DOCK3: variants seen among roughly 807,000 people sequenced by gnomAD.
The protein encoded by DOCK3 is dedicator of cytokinesis 3.
In DOCK3, 60 loss-of-function variants were observed where a neutral mutation model predicts 265.6. The ratio of observed to expected loss-of-function variants is 0.23; its 90% CI spans 0.18 to 0.28. The LOEUF is 0.28. DOCK3 is among the 10% of genes least tolerant of loss of function. The pLI is 1.00. For missense variants in DOCK3, 1,981 were observed against 2,594.3 expected (o/e 0.76, Z 5.14); for synonymous variants, 881 against 938.0 (o/e 0.94, Z 1.11).
intron 29 of DOCK3, 23 bp downstream of exon 29, chr3:51,312,102 T>C: frequency 6.3e-7 from 1 of 1,576,488 alleles, no homozygotes; most frequent in Non-Finnish European, 8.6e-7. Flanking sequence ...GAAATATCCA[T>C]CACTATTATT....
intron 4 of DOCK3, among the ~76,000 whole-genome samples, chr3:50,923,894 CT>C (rs1301842781): frequency 6.6e-6 from 1 of 152,164 alleles, no homozygotes; most frequent in Non-Finnish European, 1.5e-5. Flanking sequence ...CCCTGGGGAT[CT>C]TTTGGGTTCC....
chr3:51,065,743 C>T (rs1183752025), intron 6 of DOCK3, among the ~76,000 whole-genome samples: 1 of 152,190 alleles, frequency 6.6e-6, no homozygotes, highest in African/African-American at 2.4e-5. Context: ...GAGCAGATTG[C>T]TCCCGCTTAC....
chr3:50,905,904 A>G (rs1335345788), intron 4 of DOCK3, among the ~76,000 whole-genome samples: 1 of 152,070 alleles, frequency 6.6e-6, no homozygotes, highest in Admixed American at 6.5e-5. Flanking sequence ...TGGGTTTGTC[A>G]TAAATAGCTC....
chr3:50,811,812 G>A (rs944088829), intron 2 of DOCK3, among the ~76,000 whole-genome samples: 1 of 152,100 alleles, frequency 6.6e-6, no homozygotes, highest in Admixed American at 6.5e-5. Flanking sequence ...ATCCAATCAA[G>A]AGAGAGAAAT....
chr3:50,692,430 A>ACTG (rs1232647912), intron 1 of DOCK3, among the ~76,000 whole-genome samples: 1 of 152,146 alleles, frequency 6.6e-6, no homozygotes, highest in Non-Finnish European at 1.5e-5. Context: ...CTTCACATGC[A>ACTG]CAGTTCACAA....
chr3:50,978,769 T>A (rs1261281863), intron 5 of DOCK3, among the ~76,000 whole-genome samples: 1 of 152,228 alleles, frequency 6.6e-6, no homozygotes, highest in Non-Finnish European at 1.5e-5. Flanking sequence ...CAGTTTGATC[T>A]GAAACTGCTG....
chr3:51,097,798 A>G (rs936653254), intron 9 of DOCK3, among the ~76,000 whole-genome samples: 8 of 152,178 alleles, frequency 5.3e-5, no homozygotes, highest in Admixed American at 3.9e-4. Flanking sequence ...GGGAAAGCGT[A>G]GTATCTGGGC....
At chr3:51,232,224 C>G (rs1698496425) in intron 19 of DOCK3, among the ~76,000 whole-genome samples, 2 of 152,066 alleles carry the variant, frequency 1.3e-5, no homozygotes. Context: ...TTTGGTGCAC[C>G]TATCACCCAA....
intron 12 of DOCK3, among the ~76,000 whole-genome samples, chr3:51,166,458 A>G (rs989521642): frequency 6.6e-6 from 1 of 152,198 alleles, no homozygotes; most frequent in Admixed American, 6.5e-5. Flanking sequence ...TCTTCAAGAT[A>G]GTGATTTCTT....
At chr3:51,256,905 G>C (rs922659144) in intron 22 of DOCK3, among the ~76,000 whole-genome samples, 2 of 152,184 alleles carry the variant, frequency 1.3e-5, no homozygotes, top group Non-Finnish European at 2.9e-5. Flanking sequence ...CCAAGAGCTT[G>C]GGCTTTTAAG....
intron 3 of DOCK3, among the ~76,000 whole-genome samples, chr3:50,862,688 C>T (rs577943647): frequency 2.0e-5 from 3 of 152,324 alleles, no homozygotes; most frequent in African/African-American, 7.2e-5. Flanking sequence ...ATGCCCTTCT[C>T]ATGGCTACCA....
intron 1 of DOCK3, among the ~76,000 whole-genome samples, chr3:50,754,406 A>G (rs561326548): frequency 7.4e-4 from 112 of 152,264 alleles, no homozygotes; most frequent in African/African-American, 2.6e-3. Flanking sequence ...CTCATGTAAC[A>G]AATCTGTACA....
At position 51,330,176 on chromosome 3, in the gene DOCK3, G is replaced by A. The variant is rs768609668; in HGVS notation, c.3441G>A (p.Val1147=). The change falls in exon 33 of 53, where the codon GTG becomes GTA. Residue 1147 remains valine (V), a synonymous_variant. Coordinates refer to ENST00000266037, the MANE Select transcript of DOCK3 (RefSeq NM_004947.5). ...AELIDKLDSM[V]SEGKGDESYR... ...TGATTGACAAGCTGGACAGCATGGT[G>A]TCAGAAGGGAAAGGTGACGAGAGCT... 1.9e-5 allele frequency: 31 copies of A among 1,606,614 alleles called. No homozygotes were observed. Among genetic ancestry groups the A allele is most frequent in the Non-Finnish European group, 2.5e-5 (30 of 1,176,786 alleles).
rs56022017 is a variant in DOCK3, at chr3:50,820,824, C to CTTT, written c.122-20834_122-20832dup. On this transcript the variant is annotated intron_variant, in intron 2 of 52. Transcript: ENST00000266037. ...CCTTTCTCCACAGCCTTGCTGGCAT[C>CTTT]TTTTTTTTTTTTTTTTTTTAAGCTT... Among the ~76,000 whole-genome samples the CTTT allele has an allele frequency of 6.4e-3, 844 of 131,210 alleles. 16 individuals are homozygous for CTTT. The highest frequency in any genetic ancestry group is 0.022 in the African/African-American group (782 of 35,244). 86.1% of individuals were successfully genotyped at this position (131,210 alleles called of 152,430 possible).
intron 9 of DOCK3, among the ~76,000 whole-genome samples, chr3:51,124,991 T>G (rs2084204738): frequency 1.5e-5 from 2 of 129,360 alleles, no homozygotes; most frequent in African/African-American, 5.8e-5. Flanking sequence ...AAAAAAAAAT[T>G]AGCCAGATTT....
chr3:51,060,282 G>C (rs2081366786), intron 5 of DOCK3, among the ~76,000 whole-genome samples: 1 of 151,774 alleles, frequency 6.6e-6, no homozygotes, highest in African/African-American at 2.4e-5. Flanking sequence ...TAACCCCCCA[G>C]TGCCTTTGAC....
At chr3:50,876,159 A>T (rs1020249488) in intron 3 of DOCK3, among the ~76,000 whole-genome samples, 1 of 152,080 alleles carries the variant, frequency 6.6e-6, no homozygotes, top group East Asian at 1.9e-4. Flanking sequence ...TTTTATCAGA[A>T]TTATTCATGT....
At chr3:51,232,121 T>TA (rs1217323525) in intron 19 of DOCK3, among the ~76,000 whole-genome samples, 1 of 152,232 alleles carries the variant, frequency 6.6e-6, no homozygotes, top group Non-Finnish European at 1.5e-5. Context: ...TGCCAATTGT[T>TA]ACACTCTCTT....
At chr3:51,256,505 A>G (rs2079553829) in intron 22 of DOCK3, among the ~76,000 whole-genome samples, 1 of 151,780 alleles carries the variant, frequency 6.6e-6, no homozygotes, top group African/African-American at 2.4e-5. Context: ...TCCTGACCTC[A>G]GGTGATCCGG....
Sources: allele counts gnomAD v4.1 joint callset (sites outside exome capture counted in the v4.1 genomes callset), GRCh38; gene constraint gnomAD v4.1.1; transcripts MANE v1.5; gene names NCBI Gene and HGNC (gene_info 2026-07-23, HGNC 2026-07-21).